Variants in CCDC171 observed in about 807,000 individuals in gnomAD.
The protein encoded by CCDC171 is coiled-coil domain-containing protein 171.
CCDC171 carries 177 observed loss-of-function variants against 168.2 expected under a neutral mutation model. The observed-to-expected ratio is 1.05, with a 90% confidence interval of 0.93 to 1.19. CCDC171 has a LOEUF of 1.19. CCDC171 is among the 50% of genes most tolerant of loss of function. The pLI is 0.00. For synonymous variants in CCDC171, 687 were observed against 540.8 expected, an observed-to-expected ratio of 1.27 and a Z score of -3.75; for missense variants, 1,991 against 1,539.0, an observed-to-expected ratio of 1.29 and a Z score of -4.91.
chr9:15,952,942 A>C (rs533987656), intron 25 of CCDC171, among the ~76,000 whole-genome samples: 3 of 152,144 alleles, frequency 2.0e-5, no homozygotes, highest in South Asian at 4.1e-4. Context: ...TTTTGATGCT[A>C]TTTAAATGGA....
intron 3 of CCDC171, among the ~76,000 whole-genome samples, chr9:15,577,723 A>G (rs932853926): frequency 6.6e-6 from 1 of 152,220 alleles, no homozygotes; most frequent in African/African-American, 2.4e-5. Flanking sequence ...GGAGATTAAG[A>G]CAACCCAACA....
intron 18 of CCDC171, among the ~76,000 whole-genome samples, chr9:15,772,199 G>A (rs1461122054): frequency 2.0e-5 from 3 of 152,076 alleles, no homozygotes; most frequent in Non-Finnish European, 4.4e-5. Flanking sequence ...TTAATAACAC[G>A]TTAAATTATT....
chr9:15,604,509 C>T (rs556569824), intron 6 of CCDC171, among the ~76,000 whole-genome samples: 41 of 152,196 alleles, frequency 2.7e-4, no homozygotes, highest in African/African-American at 8.9e-4. Context: ...ATACCTCAAC[C>T]AGGGAATACA....
chr9:15,618,457 C>T (rs2044258545), intron 6 of CCDC171, among the ~76,000 whole-genome samples: 1 of 152,160 alleles, frequency 6.6e-6, no homozygotes, highest in Non-Finnish European at 1.5e-5. Flanking sequence ...TGCTAGGCTC[C>T]GTGGGAGTGG....
At chr9:15,714,304 G>A (rs915522532) in intron 11 of CCDC171, among the ~76,000 whole-genome samples, 2 of 152,106 alleles carry the variant, frequency 1.3e-5, no homozygotes, top group Non-Finnish European at 2.9e-5. Context: ...ATTTTCCTCT[G>A]TAATATCCCT....
intron 18 of CCDC171, among the ~76,000 whole-genome samples, chr9:15,760,949 G>A (rs983642798): frequency 6.6e-6 from 1 of 152,098 alleles, no homozygotes; most frequent in Admixed American, 6.6e-5. Flanking sequence ...CTCAAACAGG[G>A]GAGAATGTTA....
intron 3 of CCDC171, among the ~76,000 whole-genome samples, chr9:15,996,233 G>C (rs1832366778): frequency 1.3e-5 from 2 of 152,096 alleles, no homozygotes; most frequent in South Asian, 4.1e-4. Context: ...CAGAGAATAA[G>C]CAGGAAAACA....
intron 3 of CCDC171, among the ~76,000 whole-genome samples, chr9:16,007,036 A>C (rs993561210): frequency 2.0e-5 from 3 of 152,180 alleles, no homozygotes; most frequent in African/African-American, 7.2e-5. Flanking sequence ...GAACTAGTTT[A>C]CAGTCCCACC....
chr9:15,666,120 G>C (rs757876954), intron 8 of CCDC171, 43 bp from the exon 9 acceptor site: 8 of 1,568,484 alleles, frequency 5.1e-6, no homozygotes, highest in Middle Eastern at 1.7e-4. Context: ...ATTGATGCTA[G>C]CATTTCTTAG....
intron 3 of CCDC171, among the ~76,000 whole-genome samples, chr9:16,001,106 T>G (rs978584664): frequency 1.3e-5 from 2 of 152,194 alleles, no homozygotes; most frequent in African/African-American, 4.8e-5. Context: ...TGCTGAACTT[T>G]CTAGTGACTC....
intron 18 of CCDC171, among the ~76,000 whole-genome samples, chr9:15,750,108 T>C (rs2055617756): frequency 6.7e-6 from 1 of 148,926 alleles, no homozygotes; most frequent in Non-Finnish European, 1.5e-5. Context: ...AAGAATCAAA[T>C]AGATGCAATA....
chr9:15,814,748 TA>T (rs2059496776), intron 21 of CCDC171, among the ~76,000 whole-genome samples: 1 of 152,144 alleles, frequency 6.6e-6, no homozygotes, highest in African/African-American at 2.4e-5. Flanking sequence ...GTCTTTTTTG[TA>T]AAATTACAGA....
chr9:15,922,875 G>A (rs1825505478), intron 25 of CCDC171, among the ~76,000 whole-genome samples: 1 of 151,520 alleles, frequency 6.6e-6, no homozygotes, highest in Non-Finnish European at 1.5e-5. Flanking sequence ...TTTGAGAAAT[G>A]TCTATTTAGG....
chr9:15,623,469 G>A lies in CCDC171; in HGVS notation c.822+56G>A, dbSNP rs1489908856. 1.0e-4 allele frequency: 55 copies of A among 529,878 alleles called. 2 individuals are homozygous for A. Among genetic ancestry groups the A allele is most frequent in the African/African-American group, 3.9e-4 (9 of 23,084 alleles). The allele number at this position is 529,878 out of a possible 1,614,324, so 32.8% of individuals were successfully genotyped here. On this transcript the variant is annotated intron_variant, in intron 7 of 25. Coordinates refer to ENST00000380701, the MANE Select transcript of CCDC171 (RefSeq NM_173550.4). ...TGCGTACAAACTTTCACATATGCGC[G>A]CGCGCGCACACACACACACACACAC... is the stretch of plus-strand genomic sequence containing the variant.
intron 3 of CCDC171, among the ~76,000 whole-genome samples, chr9:15,991,922 T>C (rs1832213453): frequency 6.6e-6 from 1 of 152,126 alleles, no homozygotes; most frequent in Admixed American, 6.5e-5. Context: ...GGCTCTGAAA[T>C]TGAGGCAATA....
At chr9:15,555,922 G>C (rs1325426221) in intron 1 of CCDC171, among the ~76,000 whole-genome samples, 1 of 152,130 alleles carries the variant, frequency 6.6e-6, no homozygotes, top group African/African-American at 2.4e-5. Flanking sequence ...CTAAGAGTGA[G>C]AACATGCGGT....
At chr9:16,039,135 G>A (rs561385277), upstream of CCDC171, among the ~76,000 whole-genome samples, 5 of 152,284 alleles carry the variant, frequency 3.3e-5, no homozygotes, top group South Asian at 1.0e-3. Flanking sequence ...GATAATGAGA[G>A]TTGTCCAAAT....
In CCDC171 at chr9:15,950,231, C is replaced by G. The variant is rs375155476; in HGVS notation, c.3754-21378C>G. 5.8e-4 allele frequency among the ~76,000 whole-genome samples: 79 copies of G among 137,298 alleles called. No individual in the cohort carries two copies. The South Asian group carries it at 0.019, about 33-fold the overall frequency. 90.1% of individuals were successfully genotyped at this position (137,298 alleles called of 152,430 possible). On this transcript the variant is annotated intron_variant, in intron 25 of 25. Coordinates refer to ENST00000380701, the MANE Select transcript of CCDC171 (RefSeq NM_173550.4). ...TATCATCCAGGAGAACTTCCCCAATCTAGCAAGGCAGGCCAACATTCAAAT... is the reference window on the plus strand; with the variant it reads ...TATCATCCAGGAGAACTTCCCCAATGTAGCAAGGCAGGCCAACATTCAAAT...
intron 21 of CCDC171, among the ~76,000 whole-genome samples, chr9:15,808,357 A>G (rs998541680): frequency 9.9e-5 from 15 of 152,214 alleles, no homozygotes; most frequent in Admixed American, 5.9e-4. Context: ...GCCTTCAAAC[A>G]TGAGTTTGCA....
Sources: gnomAD v4.1 joint callset for allele counts (sites outside exome capture counted in the v4.1 genomes callset) on GRCh38, gnomAD v4.1.1 for gene constraint, MANE v1.5 for transcripts, NCBI Gene and HGNC (gene_info 2026-07-23, HGNC 2026-07-21) for gene names.